RAD17: variants seen among roughly 807,000 people sequenced by gnomAD.
The protein encoded by RAD17 is cell cycle checkpoint protein RAD17.
Under a neutral mutation model 81.5 loss-of-function variants are expected in RAD17, and 31 were observed. The ratio of observed to expected loss-of-function variants is 0.38; its 90% CI spans 0.29 to 0.51. The LOEUF is 0.51. Among genes scored for constraint, RAD17 ranks in the 20% least tolerant of loss-of-function variants. The pLI is 0.88. For synonymous variants in RAD17, 261 were observed against 266.2 expected (o/e 0.98, Z 0.19); for missense variants, 681 against 781.2 (o/e 0.87, Z 1.53).
chr5:69,406,548 C>T (rs1178370844), intron 17 of RAD17, among the ~76,000 whole-genome samples: 1 of 152,076 alleles, frequency 6.6e-6, no homozygotes, highest in Non-Finnish European at 1.5e-5. Context: ...GTCACCCAAG[C>T]TGGATTGTGG....
Position 69,373,945 on chromosome 5 carries a change from CT to C in RAD17, c.127del (p.Ser43LeufsTer3). On this transcript the variant is annotated frameshift_variant, in exon 5 of 19. Coordinates refer to ENST00000354868, the MANE Select transcript of RAD17 (RefSeq NM_133338.3). LOFTEE classifies it high-confidence loss of function. ...TCAAGTCATAGAAGAAAAAATGGGC[CT>C]TCTACATTAGAAAGCAGCAGATTTC... The part of the protein sequence containing the change: ...NNSSHRRKNG[P>X]STLESSRFPA... 3.7e-6 allele frequency: 6 copies of C among 1,613,054 alleles called. No individual in the cohort carries two copies. Among genetic ancestry groups the C allele is most frequent in the Non-Finnish European group, 5.1e-6 (6 of 1,179,454 alleles).
At chr5:69,369,398 A>G, upstream of RAD17, 1 of 1,571,144 alleles carries the variant, frequency 6.4e-7, no homozygotes, top group Non-Finnish European at 8.6e-7. Flanking sequence ...TGGGCGCCCG[A>G]TGCCCAGAGC....
intron 12 of RAD17, among the ~76,000 whole-genome samples, chr5:69,390,320 C>A (rs1019594899): frequency 1.8e-4 from 28 of 152,068 alleles, no homozygotes; most frequent in African/African-American, 6.8e-4. Flanking sequence ...GCTTTTAAGC[C>A]ATGCACTCTT....
chr5:69,393,040 C>A, intron 13 of RAD17, 115 bp from the exon 14 acceptor site: 79 of 566,168 alleles, frequency 1.4e-4, no homozygotes, highest in East Asian at 1.6e-4. Flanking sequence ...TATTTTTTAA[C>A]AGTTTGTTAC....
intron 4 of RAD17, 92 bp downstream of exon 4, chr5:69,372,309 G>A (rs369491205): frequency 7.5e-6 from 9 of 1,205,048 alleles, no homozygotes; most frequent in South Asian, 1.3e-5. Flanking sequence ...AGAGTGAAGT[G>A]TGACTTAGCA....
chr5:69,377,454 T>TATATATGTATATATATATATATATAC (rs1763432578), intron 6 of RAD17, among the ~76,000 whole-genome samples: 3 of 8,576 alleles, frequency 3.5e-4, no homozygotes, highest in Non-Finnish European at 1.9e-3. Flanking sequence ...TATATATATA[T>TATATATGTATATATATATATATATAC]ATATATATAT....
chr5:69,379,239 A>G (rs1004184700), intron 6 of RAD17, among the ~76,000 whole-genome samples: 2 of 152,190 alleles, frequency 1.3e-5, no homozygotes, highest in Non-Finnish European at 2.9e-5. Context: ...TTTGTCTCAA[A>G]AAAAAAATAT....
At chr5:69,377,457 A>G (rs1467099482) in intron 6 of RAD17, among the ~76,000 whole-genome samples, 942 of 9,798 alleles carry the variant, frequency 0.096, 74 homozygotes, top group Non-Finnish European at 0.22. Context: ...ATATATATAT[A>G]TATATATATA....
At chr5:69,403,462 A>G (rs186317300) in intron 17 of RAD17, among the ~76,000 whole-genome samples, 1 of 152,354 alleles carries the variant, frequency 6.6e-6, no homozygotes, top group Non-Finnish European at 1.5e-5. Flanking sequence ...CAGATTCATC[A>G]TGTCCACTGC....
At chr5:69,386,579 TATACTC>T (rs1219148811) in intron 11 of RAD17, 114 bp downstream of exon 11, 3 of 1,212,878 alleles carry the variant, frequency 2.5e-6, no homozygotes, top group Non-Finnish European at 3.2e-6. Context: ...AACATTTTAT[TATACTC>T]ATAAGGCATG....
At chr5:69,410,965 C>CTATATATATATATATATATATATATA (rs1554044686) in intron 18 of RAD17, among the ~76,000 whole-genome samples, 3 of 90,256 alleles carry the variant, frequency 3.3e-5, no homozygotes, top group Admixed American at 1.2e-4. Flanking sequence ...AGATGTCTGT[C>CTATATATATATATATATATATATATA]TATATATATA....
intron 6 of RAD17, among the ~76,000 whole-genome samples, chr5:69,380,693 G>A (rs1763800105): frequency 6.6e-6 from 1 of 151,628 alleles, no homozygotes; most frequent in Non-Finnish European, 1.5e-5. Context: ...TTTACGGTAT[G>A]AGGGAATGTT....
intron 17 of RAD17, 37 bp from the exon 18 acceptor site, chr5:69,410,456 G>A: frequency 1.3e-6 from 2 of 1,537,866 alleles, no homozygotes; most frequent in South Asian, 1.1e-5. Flanking sequence ...TATTTTCTTT[G>A]GAAAATTGTT....
At position 69,400,280 on chromosome 5, in the gene RAD17, C is replaced by T. The variant is rs572624337; in HGVS notation, c.1693+111C>T. 2.0e-5 allele frequency: 14 copies of T among 716,048 alleles called. No homozygotes were observed. In the East Asian group the frequency reaches 2.2e-4, roughly 11 times the overall value. The allele number at this position is 716,048 out of a possible 1,614,324, so 44.4% of individuals were successfully genotyped here. On this transcript the variant is annotated intron_variant, in intron 17 of 18. Transcript: ENST00000354868. ...CTGTCCAGGCTGGATTGCGGTGGCA[C>T]GATCTCGGCTCACTGCAACCTCTGC...
intron 11 of RAD17, among the ~76,000 whole-genome samples, chr5:69,386,937 T>C (rs1764250763): frequency 6.6e-6 from 1 of 151,690 alleles, no homozygotes; most frequent in South Asian, 2.1e-4. Context: ...TTTTTTTTTT[T>C]TTTTGGAGAC....
intron 16 of RAD17, 66 bp from the exon 17 acceptor site, chr5:69,399,974 AAACTTAGTT>A: frequency 1.0e-6 from 1 of 991,738 alleles, no homozygotes. Context: ...TTTATATAAT[AAACTTAGTT>A]TGTCTAGGAA....
Position 69,402,554 on chromosome 5 carries a change from C to T in RAD17, c.1693+2385C>T, listed in dbSNP as rs545089238. Among the ~76,000 whole-genome samples the T allele has an allele frequency of 1.2e-3, 183 of 151,482 alleles. 1 individual carries two copies. The highest frequency in any genetic ancestry group is 2.3e-3 in the Non-Finnish European group (156 of 67,902). On this transcript the variant is annotated intron_variant, in intron 17 of 18. Transcript: ENST00000354868. The stretch of plus-strand genomic sequence containing the variant: ...CCTGTAGTCCCAGCTACTCAGTGGG[C>T]TGAGGCAGGAGAATGGTATGAACCC...
Position 69,371,512 on chromosome 5 carries a change from TA to T in RAD17, c.-220del. On this transcript the variant is annotated 5_prime_UTR_variant, in exon 3 of 19. The change abolishes the stop of an existing upstream ORF in the 5' untranslated region. Coordinates refer to ENST00000354868, the MANE Select transcript of RAD17 (RefSeq NM_133338.3). ...ACTACGGATGGGAACTATTACAGTT[TA>T]TAATGTCAAAAACTTTTCTTAGACC... The T allele has an allele frequency of 7.0e-7, 1 of 1,434,124 alleles. No homozygotes were observed. Among genetic ancestry groups the T allele is most frequent in the African/African-American group, 1.4e-5 (1 of 68,988 alleles). 88.8% of individuals were successfully genotyped at this position (1,434,124 alleles called of 1,614,324 possible).
chr5:69,395,906 C>T (rs1341875316), intron 15 of RAD17, among the ~76,000 whole-genome samples: 1 of 152,124 alleles, frequency 6.6e-6, no homozygotes, highest in Admixed American at 6.6e-5. Flanking sequence ...ATTATCATAC[C>T]CCATTGAAAC....
Sources: gnomAD v4.1 joint callset for allele counts (sites outside exome capture counted in the v4.1 genomes callset) on GRCh38, gnomAD v4.1.1 for gene constraint, MANE v1.5 for transcripts, NCBI Gene and HGNC (gene_info 2026-07-23, HGNC 2026-07-21) for gene names.